GNB5: variants seen among roughly 807,000 people sequenced by gnomAD.
GNB5 encodes the protein guanine nucleotide-binding protein subunit beta-5.
In GNB5, 37 loss-of-function variants were observed where a neutral mutation model predicts 55.3. The observed-to-expected ratio is 0.67, with a 90% CI of 0.51 to 0.88. GNB5 has a LOEUF of 0.88. Among genes scored for constraint, GNB5 ranks in the 40% least tolerant of loss-of-function variants. The pLI is 0.00. For synonymous variants in GNB5, 219 were observed against 198.5 expected, an observed-to-expected ratio of 1.10 and a Z score of -0.87; for missense variants, 476 against 515.3, an observed-to-expected ratio of 0.92 and a Z score of 0.74.
At chr15:52,163,203 C>A (rs1165429586) in intron 3 of GNB5, among the ~76,000 whole-genome samples, 1 of 152,190 alleles carries the variant, frequency 6.6e-6, no homozygotes, top group African/African-American at 2.4e-5. Flanking sequence ...CTCGTGAGCC[C>A]AAGACGCCGA....
intron 11 of GNB5, chr15:52,125,142 G>C (rs2033389250): frequency 6.5e-6 from 1 of 152,812 alleles, no homozygotes; most frequent in Admixed American, 6.5e-5. Flanking sequence ...AAATGGAGTG[G>C]TCCAGGTAGC....
At chr15:52,179,398 C>T (rs937334381) in intron 3 of GNB5, among the ~76,000 whole-genome samples, 9 of 152,194 alleles carry the variant, frequency 5.9e-5, no homozygotes, top group Non-Finnish European at 1.2e-4. Context: ...CCTACACGGG[C>T]TCGCCGCGCT....
At chr15:52,146,168 A>G (rs1437221356) in intron 6 of GNB5, among the ~76,000 whole-genome samples, 1 of 152,110 alleles carries the variant, frequency 6.6e-6, no homozygotes, top group Non-Finnish European at 1.5e-5. Context: ...CATGTTAGCC[A>G]GAATGGTCTC....
intron 9 of GNB5, chr15:52,128,798 A>G (rs957833535): frequency 6.6e-6 from 3 of 453,360 alleles, no homozygotes; most frequent in Admixed American, 2.4e-5. Context: ...CATTCAATAA[A>G]TGATAATTAT....
chr15:52,170,927 T>G (rs1386641335), intron 3 of GNB5, among the ~76,000 whole-genome samples: 1 of 146,300 alleles, frequency 6.8e-6, no homozygotes, highest in Non-Finnish European at 1.5e-5. Context: ...ACAACATGGC[T>G]AAACTATAAA....
intron 9 of GNB5, among the ~76,000 whole-genome samples, chr15:52,132,474 TTTTG>T (rs1317545011): frequency 6.6e-6 from 1 of 151,780 alleles, no homozygotes; most frequent in Non-Finnish European, 1.5e-5. Context: ...CAGTGATCTT[TTTTG>T]TTTGTTTGGG....
At chr15:52,190,778 T>TAAAAAAAAAAAAAAAAA (rs58614125) in intron 1 of GNB5, among the ~76,000 whole-genome samples, 4 of 96,932 alleles carry the variant, frequency 4.1e-5, no homozygotes, top group African/African-American at 1.8e-4. Context: ...CTTATTTCCT[T>TAAAAAAAAAAAAAAAAA]AAAAAAAAAA....
chr15:52,154,838 C>T (rs1596082650), intron 3 of GNB5, among the ~76,000 whole-genome samples: 1 of 152,198 alleles, frequency 6.6e-6, no homozygotes. Flanking sequence ...ATATATGATC[C>T]ACTCACAGCA....
intron 3 of GNB5, among the ~76,000 whole-genome samples, chr15:52,154,653 C>T (rs1313626927): frequency 2.0e-5 from 3 of 152,214 alleles, no homozygotes; most frequent in Non-Finnish European, 4.4e-5. Context: ...CTTGCCGTGT[C>T]TAGCTGACCC....
intron 5 of GNB5, among the ~76,000 whole-genome samples, chr15:52,148,986 C>A (rs1179599585): frequency 6.6e-6 from 1 of 152,212 alleles, no homozygotes; most frequent in Non-Finnish European, 1.5e-5. Flanking sequence ...CTGCATAGTC[C>A]AGAAGGTGCT....
In GNB5 at chr15:52,179,774, C is replaced by T; in HGVS notation, c.232G>A (p.Val78Met). The T allele has an allele frequency of 6.6e-7, 1 of 1,514,324 alleles. No homozygotes were observed. The highest frequency in any genetic ancestry group is 8.8e-7 in the Non-Finnish European group (1 of 1,132,676). 93.8% of individuals were successfully genotyped at this position (1,514,324 alleles called of 1,614,324 possible). The change falls in exon 3 of 13, where the codon GTG (valine) becomes ATG (methionine). Residue 78 changes from valine to methionine, a missense_variant. Transcript: ENST00000261837. The part of the protein sequence containing the change: ...LEEERAKLHD[V>M]ELHQVAERVE... ...CCTCCCGGCCCGCACTCACGCTCCA[C>T]ATCGTGCAGCTTGGCTCGCTCCTCC...
intron 2 of GNB5, among the ~76,000 whole-genome samples, chr15:52,182,507 G>A (rs913147320): frequency 2.0e-5 from 3 of 152,182 alleles, no homozygotes; most frequent in African/African-American, 7.2e-5. Flanking sequence ...TAGAGATGAG[G>A]CCATCAGACT....
At chr15:52,130,096 C>T (rs1260765665) in intron 9 of GNB5, among the ~76,000 whole-genome samples, 1 of 152,190 alleles carries the variant, frequency 6.6e-6, no homozygotes, top group African/African-American at 2.4e-5. Context: ...GGGCAGGAGA[C>T]TGAGCACCAT....
At chr15:52,164,761 T>A (rs1014760721) in intron 3 of GNB5, among the ~76,000 whole-genome samples, 4 of 151,656 alleles carry the variant, frequency 2.6e-5, no homozygotes, top group African/African-American at 9.7e-5. Context: ...TGAGAAAGAA[T>A]CAACACAAAA....
At chr15:52,185,222 A>C (rs1357712314) in intron 1 of GNB5, among the ~76,000 whole-genome samples, 1 of 152,260 alleles carries the variant, frequency 6.6e-6, no homozygotes, top group African/African-American at 2.4e-5. Context: ...CCTGTTCACA[A>C]GGAAGTCAAC....
At position 52,119,140 on chromosome 15, in the gene GNB5, G is replaced by C. The variant is rs989031354; in HGVS notation, c.*3617C>G. ...GCAGAAGGGGAAGGAAGGAGACCAG[G>C]AGAGAGGTGGAACAGGGAGACAGAG... On this transcript the variant is annotated 3_prime_UTR_variant, in exon 13 of 13. Coordinates refer to ENST00000261837, the MANE Select transcript of GNB5 (RefSeq NM_016194.4). 1.4e-5 allele frequency: 2 copies of C among 144,148 alleles called. No homozygotes were observed. Among genetic ancestry groups the C allele is most frequent in the African/African-American group, 5.3e-5 (2 of 37,984 alleles). The allele number at this position is 144,148 out of a possible 1,614,324, so 8.9% of individuals were successfully genotyped here. A position where few individuals can be genotyped will look rare whatever the true frequency, so the allele number is the denominator to read the frequency against.
intron 7 of GNB5, chr15:52,137,705 G>A: frequency 8.4e-7 from 1 of 1,186,156 alleles, no homozygotes; most frequent in Non-Finnish European, 1.1e-6. Flanking sequence ...TACCTTCCTG[G>A]GATTGGGAGA....
At chr15:52,187,462 G>A (rs77396775) in intron 1 of GNB5, among the ~76,000 whole-genome samples, 248 of 152,212 alleles carry the variant, frequency 1.6e-3, no homozygotes, top group African/African-American at 5.8e-3. Flanking sequence ...GCAGCTATGG[G>A]AATGGAAGGC....
At chr15:52,148,309 A>AG (rs2034019601) in intron 5 of GNB5, among the ~76,000 whole-genome samples, 1 of 152,198 alleles carries the variant, frequency 6.6e-6, no homozygotes, top group African/African-American at 2.4e-5. Context: ...AAACCATCCC[A>AG]GGGAAGGTAT....
Sources: gnomAD v4.1 joint callset for allele counts (sites outside exome capture counted in the v4.1 genomes callset) on GRCh38, gnomAD v4.1.1 for gene constraint, MANE v1.5 for transcripts, NCBI Gene and HGNC (gene_info 2026-07-23, HGNC 2026-07-21) for gene names.